FLT3: variants seen among roughly 807,000 people sequenced by gnomAD.
The protein encoded by FLT3 is receptor-type tyrosine-protein kinase FLT3.
FLT3 carries 46 observed loss-of-function variants against 126.6 expected under a neutral mutation model. The ratio of observed to expected loss-of-function variants is 0.36; its 90% confidence interval spans 0.29 to 0.46. The LOEUF (loss-of-function observed/expected upper bound fraction) is 0.46. Ranked by LOEUF, FLT3 falls within the 20% of genes least tolerant of loss-of-function variation. The probability of loss-of-function intolerance (pLI) is 1.00; values close to 1 mark genes in which losing one functional copy is unlikely to be tolerated. For synonymous variants in FLT3, 404 were observed against 434.4 expected (o/e 0.93, Z 0.87); for missense variants, 1,069 against 1,190.3 (o/e 0.90, Z 1.50).
chr13:28,094,595 G>A (rs995277965), intron 1 of FLT3, among the ~76,000 whole-genome samples: 13 of 152,016 alleles, frequency 8.6e-5, no homozygotes, highest in South Asian at 4.1e-4. Flanking sequence ...AAATTCCTGG[G>A]CTCAAGCTAT....
chr13:28,052,501 A>C (rs753854207), intron 5 of FLT3, 44 bp downstream of exon 5: 2 of 1,561,612 alleles, frequency 1.3e-6, no homozygotes, highest in Non-Finnish European at 1.7e-6. Context: ...GAAAAAGGCC[A>C]AAAGGAAATT....
intron 9 of FLT3, among the ~76,000 whole-genome samples, chr13:28,043,786 A>T (rs1874597358): frequency 6.6e-6 from 1 of 152,050 alleles, no homozygotes; most frequent in Non-Finnish European, 1.5e-5. Context: ...TTAGAATCCA[A>T]CCTGGGCAAT....
chr13:28,022,935 G>C lies in FLT3; in HGVS notation c.2418+415C>G, dbSNP rs548408005. 3.4e-4 allele frequency among the ~76,000 whole-genome samples: 52 copies of C among 152,358 alleles called. No individual in the cohort carries two copies. The Middle Eastern group carries it at 0.014, about 40-fold the overall frequency. ...CCCACAGCACGCAGGGTGAGAATTA[G>C]ACAAAGACACTCAGGGTGGCTGGCT... is the stretch of plus-strand genomic sequence containing the variant. On this transcript the variant is annotated intron_variant, in intron 19 of 23. Coordinates refer to ENST00000241453, the MANE Select transcript of FLT3 (RefSeq NM_004119.3).
At chr13:28,067,921 C>A in intron 2 of FLT3, 1 of 388,674 alleles carries the variant, frequency 2.6e-6, no homozygotes. Flanking sequence ...AGGCCACCTG[C>A]CTGAAATATG....
At chr13:28,040,646 T>C (rs1194670045) in intron 9 of FLT3, among the ~76,000 whole-genome samples, 1 of 152,186 alleles carries the variant, frequency 6.6e-6, no homozygotes, top group Non-Finnish European at 1.5e-5. Flanking sequence ...ATTCTGACTG[T>C]GTATTGTGAA....
At chr13:28,063,667 C>T (rs1026823538) in intron 2 of FLT3, among the ~76,000 whole-genome samples, 1 of 134,734 alleles carries the variant, frequency 7.4e-6, no homozygotes, top group African/African-American at 2.9e-5. Flanking sequence ...CAGTCAAAAA[C>T]CATATTTCTG....
At chr13:28,059,558 C>T (rs1182504505) in intron 3 of FLT3, among the ~76,000 whole-genome samples, 1 of 152,164 alleles carries the variant, frequency 6.6e-6, no homozygotes, top group African/African-American at 2.4e-5. Context: ...GTAGATAGCA[C>T]ATAACATTGC....
chr13:28,087,608 T>G (rs776967419), intron 1 of FLT3, among the ~76,000 whole-genome samples: 2 of 152,302 alleles, frequency 1.3e-5, no homozygotes, highest in Non-Finnish European at 2.9e-5. Context: ...TGACATATCT[T>G]TACTGTCATC....
chr13:28,019,752 G>A (rs920763708), intron 19 of FLT3, among the ~76,000 whole-genome samples: 1 of 152,150 alleles, frequency 6.6e-6, no homozygotes. Context: ...TCCCTGTGGT[G>A]TCTGCTGCTG....
chr13:28,078,042 G>A (rs1409830640), intron 1 of FLT3, among the ~76,000 whole-genome samples: 2 of 152,182 alleles, frequency 1.3e-5, no homozygotes, highest in African/African-American at 2.4e-5. Flanking sequence ...TGGCTTTGCA[G>A]GGTACAGCCT....
intron 6 of FLT3, 99 bp from the exon 7 acceptor site, chr13:28,049,873 T>C: frequency 7.7e-7 from 1 of 1,304,868 alleles, no homozygotes; most frequent in East Asian, 2.4e-5. Flanking sequence ...TAGCATCATC[T>C]CAAATATTAC....
intron 1 of FLT3, among the ~76,000 whole-genome samples, chr13:28,075,948 A>C (rs2137800306): frequency 6.6e-6 from 1 of 151,794 alleles, no homozygotes; most frequent in South Asian, 2.1e-4. Flanking sequence ...GGCATGCACC[A>C]CCACACCCGG....
rs758953385 is a variant in FLT3 at position 28,049,334 on chromosome 13, C to T, written c.1036+50G>A. The T allele has an allele frequency of 1.9e-6, 3 of 1,544,362 alleles. No homozygotes were observed. In the South Asian group the frequency reaches 3.5e-5, roughly 18 times the overall value. On this transcript the variant is annotated intron_variant, in intron 8 of 23. Coordinates refer to ENST00000241453, the MANE Select transcript of FLT3 (RefSeq NM_004119.3). ...TGTACCACATACTTCACATTCCACA[C>T]TACAGCGACTAAAAATAGGAATAAA...
chr13:28,017,808 G>A (rs1226337467), intron 20 of FLT3, among the ~76,000 whole-genome samples: 1 of 151,962 alleles, frequency 6.6e-6, no homozygotes, highest in African/African-American at 2.4e-5. Flanking sequence ...GGGATTACAG[G>A]CACACGCCAC....
At chr13:28,037,040 G>C (rs1003963337) in intron 10 of FLT3, 145 bp downstream of exon 10, 1 of 607,618 alleles carries the variant, frequency 1.6e-6, no homozygotes, top group Non-Finnish European at 2.9e-6. Flanking sequence ...CAGTAGATAT[G>C]AGAGTAAAGT....
chr13:28,080,475 C>G (rs919768871), intron 1 of FLT3, among the ~76,000 whole-genome samples: 2 of 152,192 alleles, frequency 1.3e-5, no homozygotes, highest in Non-Finnish European at 2.9e-5. Context: ...CAGCTATAGT[C>G]ATCATGCTGT....
At chr13:28,015,552 G>A (rs1363931795) in intron 21 of FLT3, 38 bp downstream of exon 21, 1 of 1,256,352 alleles carries the variant, frequency 8.0e-7, no homozygotes, top group Non-Finnish European at 1.2e-6. Flanking sequence ...AGGATGCAAA[G>A]CCAGGAGCCA....
At chr13:28,012,283 T>C (rs1871456957) in intron 23 of FLT3, among the ~76,000 whole-genome samples, 2 of 152,268 alleles carry the variant, frequency 1.3e-5, no homozygotes, top group East Asian at 1.9e-4. Context: ...CAACGGTTCC[T>C]GATACCTGAC....
intron 3 of FLT3, among the ~76,000 whole-genome samples, chr13:28,061,624 G>T (rs1259710224): frequency 2.0e-5 from 3 of 151,894 alleles, no homozygotes; most frequent in Non-Finnish European, 4.4e-5. Flanking sequence ...TAAAAAATTA[G>T]CTGGGTGTGG....
Sources: allele counts gnomAD v4.1 joint callset (sites outside exome capture counted in the v4.1 genomes callset), GRCh38; gene constraint gnomAD v4.1.1; transcripts MANE v1.5; gene names NCBI Gene and HGNC (gene_info 2026-07-23, HGNC 2026-07-21).